The following EXOC6 variants were observed in gnomAD, a reference collection of about 807,000 sequenced individuals.
EXOC6 encodes the protein exocyst complex component 6.
A neutral mutation model predicts 112.5 loss-of-function variants in EXOC6; 60 were observed. That is an observed-to-expected ratio of 0.53 (90% CI 0.43 to 0.66). EXOC6 has a LOEUF of 0.66. Among genes scored for constraint, EXOC6 ranks in the 30% least tolerant of loss-of-function variants. EXOC6 has a pLI of 0.00. For missense variants in EXOC6, 855 were observed against 957.1 expected (o/e 0.89, Z 1.41); for synonymous variants, 295 against 308.0 (o/e 0.96, Z 0.44).
At chr10:92,884,539 G>T (rs1335909505) in intron 1 of EXOC6, among the ~76,000 whole-genome samples, 2 of 152,064 alleles carry the variant, frequency 1.3e-5, no homozygotes, top group African/African-American at 4.8e-5. Context: ...AAAGCATTCT[G>T]GGACAGAGAA....
chr10:92,935,078 T>C (rs756618099), intron 11 of EXOC6, among the ~76,000 whole-genome samples: 1 of 151,922 alleles, frequency 6.6e-6, no homozygotes, highest in Non-Finnish European at 1.5e-5. Context: ...AATTTTATAA[T>C]TGATCATTGA....
chr10:92,954,897 A>G (rs1449934129), intron 16 of EXOC6, among the ~76,000 whole-genome samples, 156 bp downstream of exon 16: 1 of 152,214 alleles, frequency 6.6e-6, no homozygotes, highest in Non-Finnish European at 1.5e-5. Context: ...TGTAAATTCC[A>G]GAAATGTGAG....
chr10:92,971,329 G>C (rs902769825), intron 17 of EXOC6, among the ~76,000 whole-genome samples: 9 of 146,820 alleles, frequency 6.1e-5, no homozygotes, highest in Non-Finnish European at 6.0e-5. Context: ...CAGGCGTGAG[G>C]CACCACGCCC....
chr10:92,909,961 T>C lies in EXOC6; in HGVS notation c.663+330T>C, dbSNP rs149999846. Among the ~76,000 whole-genome samples the C allele has an allele frequency of 3.9e-4, 59 of 152,340 alleles. No individual in the cohort carries two copies. The East Asian group carries it at 0.01, about 26-fold the overall frequency. ...AAACAGTGGCAGCCCCAGAGGCAAG[T>C]GGGAGCCTTTTTATGCTAAGATTCT... On this transcript the variant is annotated intron_variant, in intron 6 of 21. Transcript: ENST00000260762.
At chr10:92,994,109 G>A (rs1436973289) in intron 18 of EXOC6, among the ~76,000 whole-genome samples, 1 of 152,200 alleles carries the variant, frequency 6.6e-6, no homozygotes, top group Non-Finnish European at 1.5e-5. Context: ...CAAATTAGCA[G>A]ATTGTAGTCA....
chr10:92,957,436 T>G (rs1173962473), intron 17 of EXOC6, among the ~76,000 whole-genome samples: 1 of 152,158 alleles, frequency 6.6e-6, no homozygotes, highest in Non-Finnish European at 1.5e-5. Context: ...TGGAACTGCT[T>G]TTCTCAAAAT....
chr10:92,953,464 G>A (rs2134013299), intron 15 of EXOC6, among the ~76,000 whole-genome samples: 1 of 152,240 alleles, frequency 6.6e-6, no homozygotes, highest in African/African-American at 2.4e-5. Flanking sequence ...TTCTCAACTG[G>A]GGATAATTTT....
At chr10:93,008,576 C>T (rs919485013) in intron 19 of EXOC6, among the ~76,000 whole-genome samples, 23 of 151,984 alleles carry the variant, frequency 1.5e-4, no homozygotes, top group African/African-American at 4.1e-4. Context: ...AGTAATTTGA[C>T]GATAGTACTT....
intron 1 of EXOC6, among the ~76,000 whole-genome samples, chr10:92,842,704 G>T (rs915968768): frequency 1.3e-5 from 2 of 151,928 alleles, no homozygotes; most frequent in East Asian, 3.9e-4. Context: ...TGGTGGTGGT[G>T]GAGTTGGTGG....
At chr10:92,944,418 G>T (rs1218865694) in intron 13 of EXOC6, among the ~76,000 whole-genome samples, 1 of 151,792 alleles carries the variant, frequency 6.6e-6, no homozygotes, top group Non-Finnish European at 1.5e-5. Flanking sequence ...TGTATTTTTA[G>T]TAGAGACAGG....
In EXOC6 at chr10:92,899,583, A is replaced by G. The variant is rs1415366856; in HGVS notation, c.413-16A>G. 4 of 1,555,390 alleles carry G rather than the reference A, an allele frequency of 2.6e-6. No individual in the cohort carries two copies. The highest frequency in any genetic ancestry group is 1.2e-5 in the South Asian group (1 of 82,726). Reference sequence around the variant, plus strand: ...TTTTCATTTTGAAAGCTAAAATGTTATATTTTTTAATGCAGTGCTAGAAAT... The same window carrying G: ...TTTTCATTTTGAAAGCTAAAATGTTGTATTTTTTAATGCAGTGCTAGAAAT... On this transcript the variant is annotated splice_polypyrimidine_tract_variant and intron_variant, in intron 4 of 21. Transcript: ENST00000260762.
At chr10:92,845,330 A>G (rs187155063), upstream of EXOC6, among the ~76,000 whole-genome samples, 5 of 152,270 alleles carry the variant, frequency 3.3e-5, no homozygotes, top group Admixed American at 2.0e-4. Flanking sequence ...AGTCAGGGCA[A>G]TCACTTTAGG....
intron 20 of EXOC6, among the ~76,000 whole-genome samples, chr10:93,019,508 C>T (rs1844686592): frequency 6.6e-6 from 1 of 152,150 alleles, no homozygotes; most frequent in Non-Finnish European, 1.5e-5. Flanking sequence ...TAATTATTTA[C>T]ATAAGTTCCA....
chr10:92,974,201 G>A lies in EXOC6; in HGVS notation c.1922G>A (p.Arg641Lys). 1.3e-6 allele frequency: 2 copies of A among 1,575,614 alleles called. No individual in the cohort carries two copies. The highest frequency in any genetic ancestry group is 1.7e-6 in the Non-Finnish European group (2 of 1,170,602). The change falls in exon 18 of 22, where the codon AGA (arginine) becomes AAA (lysine). Residue 641 changes from arginine to lysine, a missense_variant. Arg to Lys is a conservative substitution (Grantham distance 26). Coordinates refer to ENST00000260762, the MANE Select transcript of EXOC6 (RefSeq NM_019053.6). ...TTAATGGACCTTATAAATTTTTTGA[G>A]AAGCATCTTTCAAGTGTTTACTCAT... is the stretch of plus-strand genomic sequence containing the variant. ...GYLMDLINFL[R>K]SIFQVFTHLP...
chr10:92,965,230 CAT>C (rs1301939037), intron 17 of EXOC6, among the ~76,000 whole-genome samples: 13 of 152,070 alleles, frequency 8.5e-5, no homozygotes, highest in African/African-American at 1.9e-4. Flanking sequence ...TCAAAACACA[CAT>C]GTTTATGCTC....
chr10:92,912,342 C>A (rs755766345), intron 6 of EXOC6, among the ~76,000 whole-genome samples: 4 of 152,030 alleles, frequency 2.6e-5, no homozygotes, highest in African/African-American at 4.8e-5. Flanking sequence ...TGTTCCCAGG[C>A]GGATCAGCAG....
At chr10:93,014,341 A>C in intron 20 of EXOC6, 74 bp downstream of exon 20, 1 of 1,125,648 alleles carries the variant, frequency 8.9e-7, no homozygotes, top group Non-Finnish European at 1.3e-6. Flanking sequence ...TTTTTTATTA[A>C]TGCTACAGGA....
chr10:93,044,232 G>A (rs370955481), intron 20 of EXOC6, among the ~76,000 whole-genome samples: 9 of 152,136 alleles, frequency 5.9e-5, no homozygotes, highest in African/African-American at 2.2e-4. Context: ...ATTATTATAC[G>A]TGACAAAAGG....
At chr10:93,016,816 C>CT (rs34667140) in intron 20 of EXOC6, among the ~76,000 whole-genome samples, 99 of 142,762 alleles carry the variant, frequency 6.9e-4, no homozygotes, top group East Asian at 1.0e-3. Flanking sequence ...TGGCTATTTT[C>CT]TTTTTTTTTT....
Sources: allele counts gnomAD v4.1 joint callset (sites outside exome capture counted in the v4.1 genomes callset), GRCh38; gene constraint gnomAD v4.1.1; transcripts MANE v1.5; gene names NCBI Gene and HGNC (gene_info 2026-07-23, HGNC 2026-07-21).